Variants in ZFR2 observed in about 807,000 individuals in gnomAD.
ZFR2 encodes zinc finger RNA-binding protein 2.
Under a neutral mutation model 105.7 loss-of-function variants are expected in ZFR2, and 104 were observed. That is an observed-to-expected ratio of 0.98 (90% CI 0.84 to 1.16). ZFR2 has a LOEUF of 1.16. ZFR2 is among the 50% of genes most tolerant of loss of function. ZFR2 has a pLI of 0.00. For synonymous variants in ZFR2, 634 were observed against 597.7 expected, an observed-to-expected ratio of 1.06 and a Z score of -0.89; for missense variants, 1,425 against 1,355.5, an observed-to-expected ratio of 1.05 and a Z score of -0.80.
chr19:3,853,694 G>A (rs2038266770), intron 1 of ZFR2, among the ~76,000 whole-genome samples: 1 of 152,156 alleles, frequency 6.6e-6, no homozygotes, highest in African/African-American at 2.4e-5. Flanking sequence ...AAAAGTAATG[G>A]CTAATGGAGA....
At position 3,818,023 on chromosome 19, in the gene ZFR2, C is replaced by T. The variant is rs371945368; in HGVS notation, c.1931+1022G>A. On this transcript the variant is annotated intron_variant, in intron 12 of 18. Transcript: ENST00000262961. The stretch of plus-strand genomic sequence containing the variant: ...TGCACGAAACAAAAAGAGGAGTTTG[C>T]TTAATTGGGACAGAGCTTCTGTTTG... Among the ~76,000 whole-genome samples, 15 of 152,324 alleles carry T rather than the reference C, an allele frequency of 9.8e-5. 1 individual carries two copies. The highest frequency in any genetic ancestry group is 3.9e-4 in the East Asian group (2 of 5,186).
At chr19:3,843,388 T>C (rs756397205) in intron 1 of ZFR2, among the ~76,000 whole-genome samples, 3 of 152,044 alleles carry the variant, frequency 2.0e-5, no homozygotes, top group Non-Finnish European at 4.4e-5. Context: ...GGAGGATTGC[T>C]TGAACCCAGG....
At chr19:3,817,028 G>A (rs1179342076) in intron 12 of ZFR2, among the ~76,000 whole-genome samples, 183 bp from the exon 13 acceptor site, 1 of 152,160 alleles carries the variant, frequency 6.6e-6, no homozygotes, top group Non-Finnish European at 1.5e-5. Flanking sequence ...ATGAGACACC[G>A]TGAGATCGAT....
intron 1 of ZFR2, among the ~76,000 whole-genome samples, chr19:3,865,208 C>G (rs9789330): frequency 0.13 from 20,330 of 152,132 alleles, 1,700 homozygotes; most frequent in East Asian, 0.27. Flanking sequence ...TTATCAACAG[C>G]TAACTGTAAA....
intron 17 of ZFR2, 69 bp from the exon 18 acceptor site, chr19:3,807,338 T>C (rs746622523): frequency 7.4e-5 from 90 of 1,219,062 alleles, no homozygotes; most frequent in Non-Finnish European, 9.3e-5. Context: ...GACAGGGCCG[T>C]CCCTCGACAC....
intron 13 of ZFR2, among the ~76,000 whole-genome samples, chr19:3,815,206 C>T (rs1307240674): frequency 6.6e-6 from 1 of 152,208 alleles, no homozygotes; most frequent in Non-Finnish European, 1.5e-5. Flanking sequence ...TCCCCTCCCT[C>T]AGCCTCCTGA....
intron 16 of ZFR2, 25 bp downstream of exon 16, chr19:3,810,703 CCCTTGGGGGTCCCAGTGGAGGG>C (rs1440878364): frequency 6.6e-7 from 1 of 1,518,860 alleles, no homozygotes; most frequent in Non-Finnish European, 8.9e-7. Context: ...GCCATGGAGG[CCCTTGGGGGTCCCAGTGGAGGG>C]CCGGGCCGCC....
chr19:3,817,545 C>A (rs1287181171), intron 12 of ZFR2, among the ~76,000 whole-genome samples: 1 of 146,404 alleles, frequency 6.8e-6, no homozygotes, highest in African/African-American at 2.5e-5. Flanking sequence ...GGAGACAGAG[C>A]AAGACTCCAT....
Position 3,808,981 on chromosome 19 carries a change from G to A in ZFR2, c.2436C>T (p.Ala812=). The A allele has an allele frequency of 6.5e-7, 1 of 1,548,624 alleles. No individual in the cohort carries two copies. Among genetic ancestry groups the A allele is most frequent in the Non-Finnish European group, 8.7e-7 (1 of 1,149,502 alleles). ...CAGCCTTCTCCACCAGCAGCTCCAT[G>A]GCCTGGTGGGGACAGAAGAGCAGTT... ...VPTWGALPAW[A]MELLVEKAVS... Residue 812 remains alanine (A), a splice_region_variant and synonymous_variant, in exon 17 of 19, where the codon GCC becomes GCT. Transcript: ENST00000262961.
chr19:3,821,335 G>T lies in ZFR2; in HGVS notation c.1631+5C>A. ...GCCCCCTTGCCAAGACCCGCAGCCG[G>T]GCACCTCCTCTCCGCGTGCCAGCGC... is the stretch of plus-strand genomic sequence containing the variant. On this transcript the variant is annotated splice_donor_5th_base_variant and intron_variant, in intron 10 of 18. Coordinates refer to ENST00000262961, the MANE Select transcript of ZFR2 (RefSeq NM_015174.2). 6.3e-7 allele frequency: 1 copy of T among 1,584,924 alleles called. No individual in the cohort carries two copies. The highest frequency in any genetic ancestry group is 8.6e-7 in the Non-Finnish European group (1 of 1,168,906).
At position 3,838,115 on chromosome 19, in the gene ZFR2, CGAT is replaced by C. The variant is rs1370140497; in HGVS notation, c.54-3135_54-3133del. On this transcript the variant is annotated intron_variant, in intron 1 of 18. Transcript: ENST00000262961. The surrounding 1 kb of genome is among the most constrained non-coding windows in gnomAD (Gnocchi z 4.9). ...CGATGAACACCGTGACCGTGACACT[CGAT>C]GAACACCGTGACTGTGACACACAAT... Among the ~76,000 whole-genome samples, 1 of 149,500 alleles carries C rather than the reference CGAT, an allele frequency of 6.7e-6. No homozygotes were observed. The highest frequency in any genetic ancestry group is 1.5e-5 in the Non-Finnish European group (1 of 67,456).
intron 1 of ZFR2, among the ~76,000 whole-genome samples, chr19:3,849,109 C>T (rs1356587674): frequency 6.6e-6 from 1 of 152,240 alleles, no homozygotes; most frequent in Non-Finnish European, 1.5e-5. Context: ...TCTTCTCTGG[C>T]TTCCCTGGGT....
chr19:3,814,840 G>A (rs2037808001), intron 13 of ZFR2, among the ~76,000 whole-genome samples: 3 of 152,154 alleles, frequency 2.0e-5, no homozygotes, highest in Non-Finnish European at 4.4e-5. Flanking sequence ...ACGGCCTTCA[G>A]GCCTGGCTTG....
intron 9 of ZFR2, 96 bp downstream of exon 9, chr19:3,821,985 C>G: frequency 1.4e-6 from 2 of 1,471,616 alleles, no homozygotes; most frequent in African/African-American, 2.8e-5. Context: ...TTCGTCGGAT[C>G]ACACGCGCGG....
chr19:3,827,446 G>A lies in ZFR2; in HGVS notation c.1035+25C>T, dbSNP rs942600673. On this transcript the variant is annotated intron_variant, in intron 6 of 18. Transcript: ENST00000262961. ...TGGGGGCCTTCTCCCCAGGGTGGCA[G>A]AGCCTGGGCCGGGCGGGGCCGTACC... 6.0e-6 allele frequency: 9 copies of A among 1,507,412 alleles called. No individual in the cohort carries two copies. The East Asian group carries it at 2.0e-4, about 33-fold the overall frequency. The allele number at this position is 1,507,412 out of a possible 1,614,324, so 93.4% of individuals were successfully genotyped here.
At chr19:3,855,607 C>T (rs532802288) in intron 1 of ZFR2, 3 of 470,462 alleles carry the variant, frequency 6.4e-6, no homozygotes, top group East Asian at 3.6e-5. Flanking sequence ...TAATTCAACG[C>T]GATCTGATGG....
rs187141225 is a variant in ZFR2 at position 3,827,652 on chromosome 19, G to A, written c.854C>T (p.Thr285Ile). 3.4e-4 allele frequency: 543 copies of A among 1,576,742 alleles called. No homozygotes were observed. Among genetic ancestry groups the A allele is most frequent in the Non-Finnish European group, 4.4e-4 (509 of 1,161,598 alleles). The part of the protein sequence containing the change: ...ICKISCAGPQ[T>I]YREHLGGQKH... ...CTGCCCTCCCAGATGTTCCCGGTAGGTCTGCGGCAAGGGGTGAGAGGCAGC... is the reference window on the plus strand; with the variant it reads ...CTGCCCTCCCAGATGTTCCCGGTAGATCTGCGGCAAGGGGTGAGAGGCAGC... Residue 285 changes from threonine (T) to isoleucine (I), a missense_variant and splice_region_variant, in exon 6 of 19, where the codon ACC (threonine) becomes ATC (isoleucine). Transcript: ENST00000262961.
At chr19:3,848,409 T>C (rs148220586) in intron 1 of ZFR2, among the ~76,000 whole-genome samples, 1,723 of 151,230 alleles carry the variant, frequency 0.011, 36 homozygotes, top group African/African-American at 0.04. Flanking sequence ...CGAAACTCCA[T>C]CTCGGAAAAA....
intron 13 of ZFR2, among the ~76,000 whole-genome samples, chr19:3,815,924 T>G (rs1488837346): frequency 1.3e-5 from 2 of 151,816 alleles, no homozygotes; most frequent in Non-Finnish European, 2.9e-5. Context: ...GCTAATTTTT[T>G]TTTTGTATTT....
Sources: gnomAD v4.1 joint callset for allele counts (sites outside exome capture counted in the v4.1 genomes callset) on GRCh38, gnomAD v4.1.1 for gene constraint, Gnocchi (gnomAD v3.1) non-coding constraint, MANE v1.5 for transcripts, NCBI Gene and HGNC (gene_info 2026-07-23, HGNC 2026-07-21) for gene names.